The following KIFC3 variants were observed in gnomAD, a reference collection of about 807,000 sequenced individuals.
The protein encoded by KIFC3 is kinesin family member C3.
Under a neutral mutation model 101.8 loss-of-function variants are expected in KIFC3, and 60 were observed. The observed-to-expected ratio is 0.59, with a 90% CI of 0.48 to 0.73. The LOEUF (loss-of-function observed/expected upper bound fraction) is 0.73. KIFC3 is among the 30% of genes least tolerant of loss of function. The pLI is 0.00. For missense variants in KIFC3, 966 were observed against 1,137.1 expected (o/e 0.85, Z 2.16); for synonymous variants, 476 against 482.7 (o/e 0.99, Z 0.18).
intron 1 of KIFC3, among the ~76,000 whole-genome samples, chr16:57,822,494 T>C (rs9928652): frequency 0.5 from 75,736 of 151,862 alleles, 20,195 homozygotes; most frequent in African/African-American, 0.68. Context: ...TTGAGGAGTT[T>C]GAGACCAGCC....
intron 1 of KIFC3, among the ~76,000 whole-genome samples, chr16:57,820,558 T>C (rs890740395): frequency 2.6e-4 from 40 of 152,344 alleles, no homozygotes; most frequent in African/African-American, 9.1e-4. Flanking sequence ...GCATTATGGG[T>C]GTGAACCACT....
intron 1 of KIFC3, among the ~76,000 whole-genome samples, chr16:57,857,384 C>CT (rs1482494994): frequency 8.0e-6 from 1 of 124,582 alleles, no homozygotes; most frequent in African/African-American, 2.9e-5. Context: ...CCAGAACCCC[C>CT]TAAAACCTTT....
Position 57,769,691 on chromosome 16 carries a change from T to G in KIFC3, c.1122A>C (p.Ala374=). 1 of 1,612,692 alleles carries G rather than the reference T, an allele frequency of 6.2e-7. No individual in the cohort carries two copies. Among genetic ancestry groups the G allele is most frequent in the Non-Finnish European group, 8.5e-7 (1 of 1,179,954 alleles). ...TGTAGTCGTTGGTGAGGGTCCGCAGTGCCGGCTGCAAGGTCAGCAAGTTGG... is the reference window on the plus strand; with the variant it reads ...TGTAGTCGTTGGTGAGGGTCCGCAGGGCCGGCTGCAAGGTCAGCAAGTTGG... ...VRTNLLTLQP[A]LRTLTNDYNG... is the part of the protein sequence containing the mutation. Residue 374 remains alanine, a synonymous_variant, in exon 9 of 20, where the codon GCA becomes GCC. Transcript: ENST00000445690. This position sits in a 1 kb window ranked among gnomAD's most constrained non-coding sequence, Gnocchi z 4.3.
At chr16:57,759,596 TA>T in intron 18 of KIFC3, 131 bp downstream of exon 18, 1 of 677,186 alleles carries the variant, frequency 1.5e-6, no homozygotes, top group Non-Finnish European at 2.5e-6. Context: ...GGGGAGGTTG[TA>T]AAACAGGTTC....
At chr16:57,851,864 T>C (rs1218994988) in intron 1 of KIFC3, among the ~76,000 whole-genome samples, 3 of 152,104 alleles carry the variant, frequency 2.0e-5, no homozygotes, top group Non-Finnish European at 1.5e-5. Flanking sequence ...CTCAGCCTCC[T>C]GAGTAGCTGG....
Position 57,761,108 on chromosome 16 carries a change from G to C in KIFC3, c.1936C>G (p.Arg646Gly). 6.2e-7 allele frequency: 1 copy of C among 1,613,944 alleles called. No individual in the cohort carries two copies. The highest frequency in any genetic ancestry group is 1.1e-5 in the South Asian group (1 of 91,068). ...EFTNLNEHSS[R>G]SHALLIVTVR... Reference sequence around the variant, plus strand: ...GTCACGATGAGCAGCGCGTGCGAGCGGGAGCTGTGCTCGTTCAGGTTGGTG... The same window carrying C: ...GTCACGATGAGCAGCGCGTGCGAGCCGGAGCTGTGCTCGTTCAGGTTGGTG... The change falls in exon 15 of 20, where the codon CGC becomes GGC. Residue 646 changes from arginine to glycine, a missense_variant. Coordinates refer to ENST00000445690, the MANE Select transcript of KIFC3 (RefSeq NM_001130100.2).
chr16:57,775,653 C>G (rs920670264), intron 3 of KIFC3: 3 of 985,408 alleles, frequency 3.0e-6, no homozygotes, highest in Non-Finnish European at 3.6e-6. Context: ...CAGCAAGGGC[C>G]GTCCATGTCT....
At chr16:57,796,578 G>A (rs2054339856) in intron 2 of KIFC3, among the ~76,000 whole-genome samples, 1 of 152,260 alleles carries the variant, frequency 6.6e-6, no homozygotes. Flanking sequence ...CTGAGGCCCA[G>A]TGGCAGGCAC....
chr16:57,771,146 C>G, intron 6 of KIFC3, 52 bp downstream of exon 6: 1 of 1,598,696 alleles, frequency 6.3e-7, no homozygotes, highest in South Asian at 1.1e-5. Context: ...AGCCCTGCCC[C>G]AGGTGCCAGG....
At position 57,760,933 on chromosome 16, in the gene KIFC3, C is replaced by T; in HGVS notation, c.2025G>A (p.Leu675=). ...RTTGKLNLVD[L]AGSERVGKSG... is the part of the protein sequence containing the mutation. ...ACTTGCCCACGCGCTCCGAGCCAGC[C>T]AAGTCCACCAGGTTCAGCTTCCCTG... The change falls in exon 16 of 20, where the codon TTG becomes TTA. Residue 675 remains leucine, a synonymous_variant. Coordinates refer to ENST00000445690, the MANE Select transcript of KIFC3 (RefSeq NM_001130100.2). 1 of 1,607,488 alleles carries T rather than the reference C, an allele frequency of 6.2e-7. No homozygotes were observed. Among genetic ancestry groups the T allele is most frequent in the Non-Finnish European group, 8.5e-7 (1 of 1,178,848 alleles).
In KIFC3 at chr16:57,759,897, G is replaced by A. The variant is rs532064512; in HGVS notation, c.2368-61C>T. 1.0e-4 allele frequency: 137 copies of A among 1,318,244 alleles called. 1 individual carries two copies. The East Asian group carries it at 3.3e-3, about 32-fold the overall frequency. The allele number at this position is 1,318,244 out of a possible 1,614,324, so 81.7% of individuals were successfully genotyped here. ...GGCTGCCCTGGCTCCCCACCCTGCT[G>A]TGCTTCTCTCTACTCCCCTGCCCTG... On this transcript the variant is annotated intron_variant, in intron 17 of 19. Transcript: ENST00000445690.
chr16:57,858,071 C>T lies in KIFC3; in HGVS notation c.108+4658G>A, dbSNP rs1317420750. Among the ~76,000 whole-genome samples, 5 of 152,104 alleles carry T rather than the reference C, an allele frequency of 3.3e-5. No individual in the cohort carries two copies. In the East Asian group the frequency reaches 7.7e-4, roughly 24 times the overall value. On this transcript the variant is annotated intron_variant, in intron 1 of 2. Coordinates refer to the KIFC3 transcript ENST00000563028. ...GACCTTGTGATCCACCTGCCTCGGC[C>T]TCCAAAAGTGCTGGGATTACAGGCG...
In KIFC3 at chr16:57,769,794, G is replaced by A; in HGVS notation, c.1087+14C>T. ...CGCGGCGTGGGGCAGACAGGGCCCAGCTGGTCAGCTCACCTGCTAGATTCT... is the reference window on the plus strand; with the variant it reads ...CGCGGCGTGGGGCAGACAGGGCCCAACTGGTCAGCTCACCTGCTAGATTCT... On this transcript the variant is annotated intron_variant, in intron 8 of 19. Transcript: ENST00000445690. This position sits in a 1 kb window ranked among gnomAD's most constrained non-coding sequence, Gnocchi z 4.3. 6.2e-7 allele frequency: 1 copy of A among 1,613,170 alleles called. No individual in the cohort carries two copies. The highest frequency in any genetic ancestry group is 8.5e-7 in the Non-Finnish European group (1 of 1,179,972).
At chr16:57,794,418 G>T in intron 3 of KIFC3, among the ~76,000 whole-genome samples, 1 of 151,206 alleles carries the variant, frequency 6.6e-6, no homozygotes, top group East Asian at 1.9e-4. Context: ...TAGAGATAGG[G>T]TCTCACTATA....
chr16:57,844,433 G>GT (rs2055875288), intron 1 of KIFC3, among the ~76,000 whole-genome samples: 1 of 80,318 alleles, frequency 1.2e-5, no homozygotes, highest in South Asian at 4.9e-4. Context: ...TCAGTCTCAG[G>GT]GAAAAAAAAA....
At chr16:57,814,221 C>G (rs1333396368) in intron 1 of KIFC3, among the ~76,000 whole-genome samples, 3 of 152,144 alleles carry the variant, frequency 2.0e-5, no homozygotes, top group Admixed American at 6.5e-5. Context: ...CCCCATATCC[C>G]CACCTGCAGC....
Position 57,759,124 on chromosome 16 carries a change from C to G in KIFC3, c.*24+1G>C. ...CCCTGGGCCACAGGCCCCACACTCACCTAGAGACTCTGCAGCCCCAGCCGT... is the reference window on the plus strand; with the variant it reads ...CCCTGGGCCACAGGCCCCACACTCAGCTAGAGACTCTGCAGCCCCAGCCGT... On this transcript the variant is annotated splice_donor_variant, in intron 19 of 19. Transcript: ENST00000445690. LOFTEE classifies it low-confidence loss of function (3UTR_SPLICE). 1 of 1,550,774 alleles carries G rather than the reference C, an allele frequency of 6.4e-7. No individual in the cohort carries two copies. Among genetic ancestry groups the G allele is most frequent in the South Asian group, 1.2e-5 (1 of 84,066 alleles).
intron 1 of KIFC3, among the ~76,000 whole-genome samples, chr16:57,842,531 G>T (rs1221897930): frequency 6.6e-6 from 1 of 152,138 alleles, no homozygotes; most frequent in Non-Finnish European, 1.5e-5. Flanking sequence ...AACAACAACA[G>T]CAGCAAAAAT....
At position 57,769,550 on chromosome 16, in the gene KIFC3, T is replaced by C. The variant is rs1555605546; in HGVS notation, c.1218+45A>G. On this transcript the variant is annotated intron_variant, in intron 9 of 19. Coordinates refer to ENST00000445690, the MANE Select transcript of KIFC3 (RefSeq NM_001130100.2). This position sits in a 1 kb window ranked among gnomAD's most constrained non-coding sequence, Gnocchi z 4.3. ...TGAGTGGATGTCGTGCCTCTCCCAG[T>C]GCACCCCCTTAGCCTGGACCCTCCC... is the stretch of plus-strand genomic sequence containing the variant. 4 of 1,572,966 alleles carry C rather than the reference T, an allele frequency of 2.5e-6. No homozygotes were observed. The highest frequency in any genetic ancestry group is 3.4e-6 in the Non-Finnish European group (4 of 1,160,020).
Sources: allele counts gnomAD v4.1 joint callset (sites outside exome capture counted in the v4.1 genomes callset), GRCh38; gene constraint gnomAD v4.1.1; non-coding constraint Gnocchi (gnomAD v3.1); transcripts MANE v1.5; gene names NCBI Gene and HGNC (gene_info 2026-07-23, HGNC 2026-07-21).